POLR3B: variants seen among roughly 807,000 people sequenced by gnomAD.
POLR3B encodes the protein DNA-directed RNA polymerase III subunit RPC2.
A neutral mutation model predicts 147.4 loss-of-function variants in POLR3B; 96 were observed. That is an observed-to-expected ratio of 0.65 (90% CI 0.55 to 0.77). The LOEUF is 0.77. Among genes scored for constraint, POLR3B ranks in the 30% least tolerant of loss-of-function variants. The pLI is 0.00. For synonymous variants in POLR3B, 461 were observed against 485.9 expected (o/e 0.95, Z 0.67); for missense variants, 1,036 against 1,413.5 (o/e 0.73, Z 4.28).
intron 2 of POLR3B, 64 bp from the exon 3 acceptor site, chr12:106,366,452 A>T: frequency 1.0e-6 from 1 of 985,610 alleles, no homozygotes; most frequent in South Asian, 1.3e-5. Context: ...CTATTATTTG[A>T]GCATATCATC....
chr12:106,399,335 C>A (rs1373956401), intron 10 of POLR3B, among the ~76,000 whole-genome samples: 2 of 152,116 alleles, frequency 1.3e-5, no homozygotes, highest in Non-Finnish European at 2.9e-5. Flanking sequence ...TATGAAAAGA[C>A]CAAATGTAGG....
At chr12:106,448,898 A>C (rs2037761028) in intron 19 of POLR3B, among the ~76,000 whole-genome samples, 1 of 152,106 alleles carries the variant, frequency 6.6e-6, no homozygotes, top group Non-Finnish European at 1.5e-5. Flanking sequence ...CATTCTTCTC[A>C]ACCAAAACTA....
At chr12:106,368,157 T>C (rs2036557385) in intron 4 of POLR3B, among the ~76,000 whole-genome samples, 1 of 152,026 alleles carries the variant, frequency 6.6e-6, no homozygotes, top group African/African-American at 2.4e-5. Flanking sequence ...CCTTTCAAGA[T>C]GCCACCATTA....
chr12:106,371,665 C>T (rs527417855), intron 6 of POLR3B, among the ~76,000 whole-genome samples: 2 of 140,346 alleles, frequency 1.4e-5, no homozygotes, highest in Admixed American at 1.5e-4. Context: ...TGGAAATCAT[C>T]ATTCTCAGTA....
chr12:106,432,293 G>A, intron 14 of POLR3B, 25 bp from the exon 15 acceptor site: 1 of 1,607,144 alleles, frequency 6.2e-7, no homozygotes, highest in Non-Finnish European at 8.5e-7. Flanking sequence ...TTCATTCTTA[G>A]AAATGACCAT....
chr12:106,401,689 T>C (rs917138089), intron 10 of POLR3B, among the ~76,000 whole-genome samples: 2 of 152,210 alleles, frequency 1.3e-5, no homozygotes, highest in African/African-American at 4.8e-5. Flanking sequence ...ATCCAGCATA[T>C]AAACAGAACC....
At chr12:106,432,199 C>T in intron 14 of POLR3B, 119 bp from the exon 15 acceptor site, 1 of 836,066 alleles carries the variant, frequency 1.2e-6, no homozygotes, top group Non-Finnish European at 2.1e-6. Context: ...CACAGTATCC[C>T]CTACAAAGTT....
At chr12:106,399,253 A>G (rs2037026641) in intron 10 of POLR3B, among the ~76,000 whole-genome samples, 1 of 152,216 alleles carries the variant, frequency 6.6e-6, no homozygotes, top group Non-Finnish European at 1.5e-5. Context: ...TGAATGAAAT[A>G]AAGCAAGAAG....
chr12:106,478,808 A>C (rs11113008), intron 23 of POLR3B, among the ~76,000 whole-genome samples: 163 of 152,258 alleles, frequency 1.1e-3, no homozygotes, highest in African/African-American at 3.6e-3. Flanking sequence ...ACAAAAAAAA[A>C]CCATCAGTCC....
chr12:106,363,638 A>G (rs2036496363), intron 1 of POLR3B, among the ~76,000 whole-genome samples: 1 of 152,238 alleles, frequency 6.6e-6, no homozygotes, highest in Non-Finnish European at 1.5e-5. Context: ...TAAAATCTTG[A>G]GTCATCAGGA....
chr12:106,436,286 A>G (rs2037574976), intron 16 of POLR3B, among the ~76,000 whole-genome samples: 1 of 152,156 alleles, frequency 6.6e-6, no homozygotes, highest in Non-Finnish European at 1.5e-5. Flanking sequence ...ACAGCCCTTG[A>G]CGTTTCAGTG....
At chr12:106,399,098 A>G (rs1469859550) in intron 10 of POLR3B, among the ~76,000 whole-genome samples, 1 of 152,190 alleles carries the variant, frequency 6.6e-6, no homozygotes, top group Non-Finnish European at 1.5e-5. Flanking sequence ...AATTAAATGA[A>G]TGGCTAACTA....
At chr12:106,394,235 T>C (rs10778466) in intron 10 of POLR3B, among the ~76,000 whole-genome samples, 51,148 of 152,084 alleles carry the variant, frequency 0.34, 11,435 homozygotes, top group African/African-American at 0.64. Context: ...CTCATCACCG[T>C]CTTCCTCTTT....
rs111404032 is a variant in POLR3B, at chr12:106,462,408, C to G, written c.2571-1070C>G. Among the ~76,000 whole-genome samples the G allele has an allele frequency of 5.9e-5, 9 of 152,240 alleles. No individual in the cohort carries two copies. The East Asian group carries it at 1.7e-3, about 29-fold the overall frequency. ...GATTACAGGGGCATGCCACTATGCC[C>G]GGCTAATTTTTGTATCTTTAGTAGA... On this transcript the variant is annotated intron_variant, in intron 22 of 27. Transcript: ENST00000228347.
intron 10 of POLR3B, among the ~76,000 whole-genome samples, chr12:106,398,073 C>T (rs1221855600): frequency 1.3e-5 from 2 of 152,246 alleles, no homozygotes; most frequent in South Asian, 2.1e-4. Context: ...CAGGGAATTC[C>T]CTTTCCTAGT....
chr12:106,481,674 C>T lies in POLR3B; in HGVS notation c.2714-14381C>T, dbSNP rs1279937621. On this transcript the variant is annotated intron_variant, in intron 23 of 27. Coordinates refer to ENST00000228347, the MANE Select transcript of POLR3B (RefSeq NM_018082.6). ...ACTGTGCCCATTCTTTCTCCTTACA[C>T]GTAGGTTTACACCTTAATTTTTTTA... is the stretch of plus-strand genomic sequence containing the variant. Among the ~76,000 whole-genome samples, 4 of 152,198 alleles carry T rather than the reference C, an allele frequency of 2.6e-5. No individual in the cohort carries two copies. In the South Asian group the frequency reaches 6.2e-4, roughly 24 times the overall value.
intron 9 of POLR3B, among the ~76,000 whole-genome samples, chr12:106,383,835 G>A (rs529670612): frequency 3.2e-4 from 48 of 152,040 alleles, no homozygotes; most frequent in Admixed American, 2.6e-3. Flanking sequence ...AAAATTAGCC[G>A]GGTGTGGTGG....
chr12:106,433,721 A>G lies in POLR3B; in HGVS notation c.1630A>G (p.Asn544Asp), dbSNP rs755584491. ...ACCTGTTCTTTCTTTTTGCCTAGGTAACATCTTAGGTGTCATTCGAGACCA... is the reference window on the plus strand; with the variant it reads ...ACCTGTTCTTTCTTTTTGCCTAGGTGACATCTTAGGTGTCATTCGAGACCA... ...PNVFLVFLNG[N>D]ILGVIRDHKK... Residue 544 changes from asparagine (N) to aspartate (D), a missense_variant and splice_region_variant, in exon 16 of 28, where the codon AAC (asparagine) becomes GAC (aspartate). By Grantham distance (23) the Asn-to-Asp change is conservative (BLOSUM62 1). Transcript: ENST00000228347. 10 of 1,612,574 alleles carry G rather than the reference A, an allele frequency of 6.2e-6. No homozygotes were observed. The Middle Eastern group carries it at 5.0e-4, about 80-fold the overall frequency.
intron 15 of POLR3B, among the ~76,000 whole-genome samples, 194 bp downstream of exon 15, chr12:106,432,674 A>G (rs1424813279): frequency 7.2e-5 from 11 of 152,212 alleles, no homozygotes; most frequent in Non-Finnish European, 1.3e-4. Flanking sequence ...TTCTGAGAGG[A>G]TATAGCTATC....
Sources: gnomAD v4.1 joint callset for allele counts (sites outside exome capture counted in the v4.1 genomes callset) on GRCh38, gnomAD v4.1.1 for gene constraint, MANE v1.5 for transcripts, NCBI Gene and HGNC (gene_info 2026-07-23, HGNC 2026-07-21) for gene names.